PRKCA: variants seen among roughly 807,000 people sequenced by gnomAD.
PRKCA encodes protein kinase C alpha.
In PRKCA, 27 loss-of-function variants were observed where a neutral mutation model predicts 87.0. The observed-to-expected ratio is 0.31, with a 90% confidence interval of 0.23 to 0.43. PRKCA has a LOEUF of 0.43. Among genes scored for constraint, PRKCA ranks in the 20% least tolerant of loss-of-function variants. PRKCA has a pLI of 1.00. For synonymous variants in PRKCA, 329 were observed against 311.1 expected (o/e 1.06, Z -0.61); for missense variants, 518 against 852.3 (o/e 0.61, Z 4.88).
At chr17:66,334,808 A>G (rs1906558699) in intron 2 of PRKCA, among the ~76,000 whole-genome samples, 1 of 152,208 alleles carries the variant, frequency 6.6e-6, no homozygotes, top group African/African-American at 2.4e-5. Flanking sequence ...TTGTACACCC[A>G]TGTTCATAGC....
chr17:66,379,290 T>C (rs1909655029), intron 2 of PRKCA, among the ~76,000 whole-genome samples: 1 of 152,242 alleles, frequency 6.6e-6, no homozygotes, highest in Admixed American at 6.5e-5. Context: ...GTAGAGTTCA[T>C]GTTTCTCCAC....
intron 13 of PRKCA, among the ~76,000 whole-genome samples, chr17:66,766,808 CAAAAAAAA>C (rs559889725): frequency 7.7e-5 from 8 of 104,400 alleles, no homozygotes; most frequent in Admixed American, 7.4e-4. Flanking sequence ...AACTCCTTCT[CAAAAAAAA>C]AAAAAAAAAA....
chr17:66,512,973 G>A (rs930164244), intron 3 of PRKCA, among the ~76,000 whole-genome samples: 1 of 152,202 alleles, frequency 6.6e-6, no homozygotes, highest in African/African-American at 2.4e-5. Context: ...GATTGCAGGC[G>A]TGAGCCGCCG....
At chr17:66,488,292 T>A (rs1402221910) in intron 2 of PRKCA, among the ~76,000 whole-genome samples, 1 of 152,198 alleles carries the variant, frequency 6.6e-6, no homozygotes, top group Non-Finnish European at 1.5e-5. Flanking sequence ...TGTATTAAAT[T>A]ATATGGTATG....
At chr17:66,368,358 G>GTATATATA (rs1207640910) in intron 2 of PRKCA, among the ~76,000 whole-genome samples, 2 of 42,572 alleles carry the variant, frequency 4.7e-5, no homozygotes, top group East Asian at 1.2e-3. Context: ...GTGTGTGTGT[G>GTATATATA]TATATGTATA....
intron 3 of PRKCA, among the ~76,000 whole-genome samples, chr17:66,523,120 G>A (rs1967224649): frequency 6.6e-6 from 1 of 152,144 alleles, no homozygotes; most frequent in African/African-American, 2.4e-5. Flanking sequence ...TGGTAGAGGT[G>A]GGCTTGGGTC....
chr17:66,504,608 A>T (rs1477652741), intron 3 of PRKCA, among the ~76,000 whole-genome samples: 1 of 151,974 alleles, frequency 6.6e-6, no homozygotes, highest in African/African-American at 2.4e-5. Context: ...AGAAAAAAAA[A>T]AAAAGATTGC....
At chr17:66,496,395 A>ACG in intron 3 of PRKCA, 112 bp downstream of exon 3, 1 of 848,488 alleles carries the variant, frequency 1.2e-6, no homozygotes, top group Non-Finnish European at 1.9e-6. Flanking sequence ...GGAAGACTCA[A>ACG]TTCTCATAGA....
chr17:66,377,649 TGTC>T (rs1909511115), intron 2 of PRKCA, among the ~76,000 whole-genome samples: 1 of 144,826 alleles, frequency 6.9e-6, no homozygotes, highest in African/African-American at 2.5e-5. Flanking sequence ...ATATATATAA[TGTC>T]TATATTATAT....
At chr17:66,618,666 G>A (rs1375262728) in intron 3 of PRKCA, among the ~76,000 whole-genome samples, 2 of 152,168 alleles carry the variant, frequency 1.3e-5, no homozygotes, top group Non-Finnish European at 2.9e-5. Flanking sequence ...TAGTATTTGA[G>A]ACCTTACTCA....
At chr17:66,761,804 T>G (rs753408798) in intron 13 of PRKCA, among the ~76,000 whole-genome samples, 7 of 152,128 alleles carry the variant, frequency 4.6e-5, no homozygotes, top group Non-Finnish European at 8.8e-5. Flanking sequence ...CATAGTAAGA[T>G]CCTTGATCTT....
chr17:66,727,896 C>T (rs2144184893), intron 8 of PRKCA, among the ~76,000 whole-genome samples: 1 of 152,256 alleles, frequency 6.6e-6, no homozygotes, highest in Middle Eastern at 3.4e-3. Flanking sequence ...GTTCCTCGTC[C>T]CCCTGCCCTC....
intron 3 of PRKCA, among the ~76,000 whole-genome samples, chr17:66,609,388 G>A (rs181738862): frequency 9.8e-5 from 15 of 152,288 alleles, no homozygotes; most frequent in South Asian, 6.2e-4. Flanking sequence ...AGTGTAATGC[G>A]TGTCTATATG....
intron 2 of PRKCA, among the ~76,000 whole-genome samples, chr17:66,345,875 G>T (rs1311634880): frequency 1.3e-5 from 2 of 152,084 alleles, no homozygotes; most frequent in Admixed American, 1.3e-4. Flanking sequence ...TCAACATTTT[G>T]ATTCCTAGAC....
At chr17:66,579,375 G>A (rs1454932730) in intron 3 of PRKCA, among the ~76,000 whole-genome samples, 1 of 152,166 alleles carries the variant, frequency 6.6e-6, no homozygotes, top group African/African-American at 2.4e-5. Flanking sequence ...CGGAACCTGC[G>A]ATCAAGATGT....
chr17:66,336,164 A>G (rs945959833), intron 2 of PRKCA, among the ~76,000 whole-genome samples: 1 of 152,196 alleles, frequency 6.6e-6, no homozygotes, highest in African/African-American at 2.4e-5. Context: ...TATTTGTTGA[A>G]TGAATTTGTC....
chr17:66,381,531 A>G (rs1885648415), intron 2 of PRKCA, among the ~76,000 whole-genome samples: 1 of 152,200 alleles, frequency 6.6e-6, no homozygotes, highest in Non-Finnish European at 1.5e-5. Context: ...GAGGAGGAGA[A>G]GGATTGGACA....
At chr17:66,342,447 T>TA (rs1285892015) in intron 2 of PRKCA, among the ~76,000 whole-genome samples, 1 of 23,672 alleles carries the variant, frequency 4.2e-5, no homozygotes, top group African/African-American at 2.6e-4. Flanking sequence ...AAATAAATAA[T>TA]AATAATAATA....
intron 2 of PRKCA, chr17:66,416,496 C>T (rs181744799): frequency 9.2e-5 from 14 of 152,322 alleles, no homozygotes; most frequent in African/African-American, 2.9e-4. Flanking sequence ...CCTCTCCCAC[C>T]GTGTAGCCAC....
Sources: allele counts gnomAD v4.1 joint callset (sites outside exome capture counted in the v4.1 genomes callset), GRCh38; gene constraint gnomAD v4.1.1; transcripts MANE v1.5; gene names NCBI Gene and HGNC (gene_info 2026-07-23, HGNC 2026-07-21).